The following MTREX variants were observed in gnomAD, a reference collection of about 807,000 sequenced individuals.
MTREX encodes the protein exosome RNA helicase MTR4.
In MTREX, 76 loss-of-function variants were observed where a neutral mutation model predicts 135.4. The observed-to-expected ratio is 0.56, with a 90% confidence interval of 0.47 to 0.68. The LOEUF (loss-of-function observed/expected upper bound fraction) is 0.68, where lower values mean the gene tolerates loss of function less well. Ranked by LOEUF, MTREX falls within the 30% of genes least tolerant of loss-of-function variation. MTREX has a pLI of 0.00. For missense variants in MTREX, 920 were observed against 1,262.1 expected (o/e 0.73, Z 4.11); for synonymous variants, 404 against 401.6 (o/e 1.01, Z -0.07).
At chr5:55,382,326 T>G (rs1241264650) in intron 18 of MTREX, among the ~76,000 whole-genome samples, 1 of 152,188 alleles carries the variant, frequency 6.6e-6, no homozygotes, top group African/African-American at 2.4e-5. Context: ...TGTATGTATG[T>G]GTACATGTAT....
chr5:55,420,615 G>A (rs914159125), intron 25 of MTREX, among the ~76,000 whole-genome samples: 6 of 152,114 alleles, frequency 3.9e-5, no homozygotes, highest in Non-Finnish European at 5.9e-5. Context: ...AGACACAAAG[G>A]CCACATAGTG....
At chr5:55,340,252 C>A (rs978105982) in intron 6 of MTREX, 68 bp downstream of exon 6, 3 of 1,284,158 alleles carry the variant, frequency 2.3e-6, no homozygotes, top group Non-Finnish European at 2.1e-6. Flanking sequence ...TCAGTTAGAA[C>A]CTGGGAAGTT....
chr5:55,419,617 C>T (rs1287810038), intron 25 of MTREX, among the ~76,000 whole-genome samples: 1 of 152,156 alleles, frequency 6.6e-6, no homozygotes, highest in African/African-American at 2.4e-5. Flanking sequence ...TCAAGTAATC[C>T]AGAGGCTGTT....
rs1748990645 is a variant in MTREX at position 55,308,051 on chromosome 5, T to G, written c.38T>G (p.Phe13Cys). Reference sequence around the variant, plus strand: ...TTCGGAGATGAGCTGTTCAGCGTGTTCGAGGGCGACTCGACCACTGCGGCG... The same window carrying G: ...TTCGGAGATGAGCTGTTCAGCGTGTGCGAGGGCGACTCGACCACTGCGGCG... ...DAFGDELFSV[F>C]EGDSTTAAGT... is the part of the protein sequence containing the mutation. Residue 13 changes from phenylalanine (F) to cysteine (C), a missense_variant, in exon 1 of 27, where the codon TTC (phenylalanine) becomes TGC (cysteine). This residue lies in a region of MTREX where 136 missense variants were observed against 126.7 expected (regional missense o/e 1.07). Transcript: ENST00000230640. The G allele has an allele frequency of 6.2e-7, 1 of 1,613,908 alleles. No homozygotes were observed. Among genetic ancestry groups the G allele is most frequent in the Non-Finnish European group, 8.5e-7 (1 of 1,180,008 alleles).
intron 19 of MTREX, among the ~76,000 whole-genome samples, chr5:55,390,150 T>C (rs1003567227): frequency 2.0e-5 from 3 of 152,176 alleles, no homozygotes; most frequent in African/African-American, 7.2e-5. Context: ...GTCACCAGGC[T>C]GGAGTACAGT....
chr5:55,356,092 G>C (rs1380784903), intron 14 of MTREX, among the ~76,000 whole-genome samples: 1 of 152,210 alleles, frequency 6.6e-6, no homozygotes, highest in African/African-American at 2.4e-5. Context: ...GTCACAGACA[G>C]CCCCCTGTGC....
chr5:55,388,107 G>A lies in MTREX; in HGVS notation c.2181+5G>A. The A allele has an allele frequency of 6.3e-7, 1 of 1,592,384 alleles. No homozygotes were observed. The highest frequency in any genetic ancestry group is 8.6e-7 in the Non-Finnish European group (1 of 1,165,784). On this transcript the variant is annotated splice_donor_5th_base_variant and intron_variant, in intron 19 of 26. Transcript: ENST00000230640. ...GATGAGAAAGGAGAGATGCAGGTTT[G>A]TACATAACTTTCTGTCTTCTGATTT...
intron 2 of MTREX, among the ~76,000 whole-genome samples, chr5:55,322,919 C>T (rs1210388407): frequency 6.6e-6 from 1 of 152,116 alleles, no homozygotes; most frequent in Non-Finnish European, 1.5e-5. Flanking sequence ...TGGCTGGAAT[C>T]GCTGGTATTT....
intron 15 of MTREX, among the ~76,000 whole-genome samples, chr5:55,365,215 A>G (rs1750082334): frequency 1.3e-5 from 2 of 152,218 alleles, no homozygotes; most frequent in Admixed American, 1.3e-4. Flanking sequence ...AAAGTCTGCA[A>G]ACAATGTGTT....
At chr5:55,333,438 T>C (rs1749507125) in intron 5 of MTREX, among the ~76,000 whole-genome samples, 1 of 152,200 alleles carries the variant, frequency 6.6e-6, no homozygotes, top group Non-Finnish European at 1.5e-5. Context: ...AATTGTGGTA[T>C]GTTTGGTGCT....
intron 25 of MTREX, among the ~76,000 whole-genome samples, chr5:55,420,650 C>G (rs1751040581): frequency 6.6e-6 from 1 of 152,118 alleles, no homozygotes; most frequent in African/African-American, 2.4e-5. Flanking sequence ...TATGAAATGT[C>G]CAGAGTAAGC....
At chr5:55,383,117 T>C (rs1396864230) in intron 18 of MTREX, among the ~76,000 whole-genome samples, 1 of 152,210 alleles carries the variant, frequency 6.6e-6, no homozygotes, top group Non-Finnish European at 1.5e-5. Flanking sequence ...ATTATGTTGT[T>C]ACTGCCAAGA....
intron 10 of MTREX, among the ~76,000 whole-genome samples, chr5:55,346,531 A>G (rs369530476): frequency 2.0e-5 from 3 of 152,306 alleles, no homozygotes; most frequent in East Asian, 3.9e-4. Flanking sequence ...TAGTCATCCT[A>G]TTGAATGTGA....
intron 13 of MTREX, 36 bp from the exon 14 acceptor site, chr5:55,353,132 A>T (rs1186053754): frequency 2.8e-6 from 4 of 1,407,348 alleles, no homozygotes; most frequent in Non-Finnish European, 3.9e-6. Flanking sequence ...TCAGCTTAAA[A>T]TACATGTTTA....
intron 1 of MTREX, among the ~76,000 whole-genome samples, chr5:55,310,866 C>T (rs1749101072): frequency 6.6e-6 from 1 of 152,144 alleles, no homozygotes; most frequent in African/African-American, 2.4e-5. Context: ...TAACCTCGAA[C>T]TCCTGGCCTC....
chr5:55,323,761 A>G (rs765688848), intron 2 of MTREX, among the ~76,000 whole-genome samples: 34 of 152,168 alleles, frequency 2.2e-4, no homozygotes, highest in Non-Finnish European at 3.8e-4. Context: ...GAATTGGGCT[A>G]GTTTACTTTA....
chr5:55,345,021 C>G (rs1372638204), intron 9 of MTREX, 73 bp from the exon 10 acceptor site: 11 of 845,810 alleles, frequency 1.3e-5, no homozygotes, highest in Non-Finnish European at 1.9e-5. Flanking sequence ...TTTGGGGAAG[C>G]CTTATGTATG....
intron 21 of MTREX, among the ~76,000 whole-genome samples, chr5:55,401,013 T>TTGTG (rs1286800810): frequency 6.6e-6 from 1 of 152,122 alleles, no homozygotes; most frequent in African/African-American, 2.4e-5. Context: ...AGGCCAAATC[T>TTGTG]TGTGTGTGTG....
chr5:55,355,992 A>G (rs2112075094), intron 14 of MTREX, among the ~76,000 whole-genome samples: 1 of 152,314 alleles, frequency 6.6e-6, no homozygotes, highest in African/African-American at 2.4e-5. Flanking sequence ...GAGACAGTGA[A>G]GGCCAGGTTC....
Sources: allele counts gnomAD v4.1 joint callset (sites outside exome capture counted in the v4.1 genomes callset), GRCh38; gene constraint gnomAD v4.1.1; regional missense constraint gnomAD v4.1.1; transcripts MANE v1.5; gene names NCBI Gene and HGNC (gene_info 2026-07-23, HGNC 2026-07-21).